Variants in CAMK1D observed in about 807,000 individuals in gnomAD.
The protein encoded by CAMK1D is calcium/calmodulin dependent protein kinase ID, also known as calcium/calmodulin-dependent protein kinase type 1D.
A neutral mutation model predicts 47.7 loss-of-function variants in CAMK1D; 9 were observed. The ratio of observed to expected loss-of-function variants is 0.19; its 90% CI spans 0.11 to 0.33. CAMK1D has a LOEUF of 0.33. Among genes scored for constraint, CAMK1D ranks in the 10% least tolerant of loss-of-function variants. The pLI is 1.00. For missense variants in CAMK1D, 291 were observed against 488.7 expected (o/e 0.60, Z 3.81); for synonymous variants, 184 against 184.9 (o/e 0.99, Z 0.04).
Position 12,463,065 on chromosome 10 carries a change from G to A in CAMK1D, c.93-90160G>A, listed in dbSNP as rs149653192. On this transcript the variant is annotated intron_variant, in intron 1 of 10. Transcript: ENST00000619168. Reference sequence around the variant, plus strand: ...CCAGCAGCTGGCACTCATATCTAGAGTCCAAGACCGATAACAGCAAACTTA... The same window carrying A: ...CCAGCAGCTGGCACTCATATCTAGAATCCAAGACCGATAACAGCAAACTTA... Among the ~76,000 whole-genome samples, 263 of 151,900 alleles carry A rather than the reference G, an allele frequency of 1.7e-3. 1 individual carries two copies. Among genetic ancestry groups the A allele is most frequent in the African/African-American group, 5.9e-3 (246 of 41,416 alleles).
chr10:12,397,262 C>T (rs1000868201), intron 1 of CAMK1D, among the ~76,000 whole-genome samples: 1 of 152,106 alleles, frequency 6.6e-6, no homozygotes, highest in African/African-American at 2.4e-5. Context: ...GTTTTTGTCT[C>T]CTGCAGGTGT....
intron 2 of CAMK1D, among the ~76,000 whole-genome samples, chr10:12,566,914 A>G (rs1230643494): frequency 1.2e-4 from 18 of 152,158 alleles, no homozygotes; most frequent in Middle Eastern, 3.2e-3. Flanking sequence ...GCAGCGATGC[A>G]GTGTTTTTTC....
In CAMK1D at chr10:12,798,688, G is replaced by A. The variant is rs547327431; in HGVS notation, c.641+7455G>A. On this transcript the variant is annotated intron_variant, in intron 6 of 10. Coordinates refer to ENST00000619168, the MANE Select transcript of CAMK1D (RefSeq NM_153498.4). ...TCTAAAGATAAAATGTGCTGTTTGTGTATGAGAAAAGAGATGCCATTCAAT... is the reference window on the plus strand; with the variant it reads ...TCTAAAGATAAAATGTGCTGTTTGTATATGAGAAAAGAGATGCCATTCAAT... 1.1e-4 allele frequency among the ~76,000 whole-genome samples: 16 copies of A among 152,354 alleles called. No homozygotes were observed. The South Asian group carries it at 2.7e-3, about 26-fold the overall frequency.
rs1835053499 is a variant in CAMK1D at position 12,734,375 on chromosome 10, T to TGG, written c.300-26573_300-26572insGG. 5.1e-5 allele frequency among the ~76,000 whole-genome samples: 2 copies of TGG among 38,980 alleles called. 1 individual carries two copies. Among genetic ancestry groups the TGG allele is most frequent in the East Asian group, 1.4e-3 (2 of 1,476 alleles). 25.6% of individuals were successfully genotyped at this position (38,980 alleles called of 152,430 possible). ...ATATATATATATATATATATATATA[T>TGG]ATAGATATAGATATAGATATATATA... On this transcript the variant is annotated intron_variant, in intron 3 of 10. Transcript: ENST00000619168.
chr10:12,375,681 G>A lies in CAMK1D; in HGVS notation c.92+25771G>A, dbSNP rs77333948. Among the ~76,000 whole-genome samples, 550 of 152,252 alleles carry A rather than the reference G, an allele frequency of 3.6e-3. 7 individuals are homozygous for A. In the East Asian group the frequency reaches 0.036, roughly 10 times the overall value. On this transcript the variant is annotated intron_variant, in intron 1 of 10. Transcript: ENST00000619168. ...GTATCCCGATTGCCTGTGTCCTAGGGTATCCTGCTGAATGCCATTACTCTA... is the reference window on the plus strand; with the variant it reads ...GTATCCCGATTGCCTGTGTCCTAGGATATCCTGCTGAATGCCATTACTCTA...
intron 2 of CAMK1D, among the ~76,000 whole-genome samples, chr10:12,597,712 G>A (rs974358271): frequency 1.3e-5 from 2 of 152,142 alleles, no homozygotes; most frequent in African/African-American, 2.4e-5. Context: ...CAGTTCTTCT[G>A]TACTGGTCTC....
intron 2 of CAMK1D, among the ~76,000 whole-genome samples, chr10:12,626,980 G>T (rs1839236402): frequency 6.6e-6 from 1 of 151,806 alleles, no homozygotes; most frequent in Non-Finnish European, 1.5e-5. Context: ...AAAATCATAA[G>T]ATATATTGAT....
At chr10:12,822,216 C>G (rs1235293160) in intron 8 of CAMK1D, among the ~76,000 whole-genome samples, 1 of 152,186 alleles carries the variant, frequency 6.6e-6, no homozygotes, top group Admixed American at 6.5e-5. Flanking sequence ...CCTAGCTTAT[C>G]ATGAGCATGG....
chr10:12,445,278 G>T (rs1832894556), intron 1 of CAMK1D, among the ~76,000 whole-genome samples: 1 of 152,232 alleles, frequency 6.6e-6, no homozygotes, highest in Admixed American at 6.5e-5. Context: ...CCTTGGCCAA[G>T]AGGAAGGTCC....
At chr10:12,828,689 C>G in intron 10 of CAMK1D, 80 bp from the exon 11 acceptor site, 2 of 1,158,518 alleles carry the variant, frequency 1.7e-6, no homozygotes, top group Non-Finnish European at 2.5e-6. Context: ...TAAACCCAGC[C>G]CCTCTGACAC....
chr10:12,677,299 GA>G (rs1302611980), intron 3 of CAMK1D, among the ~76,000 whole-genome samples: 2 of 151,878 alleles, frequency 1.3e-5, no homozygotes, highest in Non-Finnish European at 2.9e-5. Context: ...TAATAACGAA[GA>G]AAAAAATGTT....
chr10:12,488,496 A>T (rs889488222), intron 1 of CAMK1D, among the ~76,000 whole-genome samples: 2 of 152,176 alleles, frequency 1.3e-5, no homozygotes, highest in Admixed American at 1.3e-4. Context: ...GACTGGTTTC[A>T]TGGAAGACAA....
At chr10:12,684,703 A>G (rs745388700) in intron 3 of CAMK1D, among the ~76,000 whole-genome samples, 135 of 152,308 alleles carry the variant, frequency 8.9e-4, no homozygotes, top group Non-Finnish European at 1.4e-3. Context: ...GTAAATATAT[A>G]TTATACATCC....
At chr10:12,701,351 C>T (rs1431574425) in intron 3 of CAMK1D, among the ~76,000 whole-genome samples, 8 of 152,180 alleles carry the variant, frequency 5.3e-5, no homozygotes, top group African/African-American at 1.7e-4. Flanking sequence ...ACAAAAAGCA[C>T]ACCAAAATAA....
intron 3 of CAMK1D, among the ~76,000 whole-genome samples, chr10:12,670,393 G>A (rs919103792): frequency 6.6e-6 from 1 of 151,756 alleles, no homozygotes; most frequent in African/African-American, 2.4e-5. Context: ...TGGGTTGAAA[G>A]TGTTCTTTAT....
chr10:12,765,730 A>C (rs1448203616), intron 4 of CAMK1D, among the ~76,000 whole-genome samples: 1 of 152,172 alleles, frequency 6.6e-6, no homozygotes. Flanking sequence ...AGGTGAAAGA[A>C]AGAGAAGAGC....
intron 5 of CAMK1D, among the ~76,000 whole-genome samples, chr10:12,777,849 G>T (rs74834177): frequency 7.2e-5 from 11 of 152,210 alleles, no homozygotes; most frequent in African/African-American, 2.7e-4. Flanking sequence ...ACACCATTTT[G>T]AACCTTGAGC....
intron 4 of CAMK1D, among the ~76,000 whole-genome samples, chr10:12,766,796 G>A (rs1836785064): frequency 6.6e-6 from 1 of 152,104 alleles, no homozygotes. Flanking sequence ...CCCGTGGTGG[G>A]GGGATTCTCC....
intron 1 of CAMK1D, among the ~76,000 whole-genome samples, chr10:12,517,179 A>G (rs1324138308): frequency 6.6e-6 from 1 of 152,080 alleles, no homozygotes; most frequent in African/African-American, 2.4e-5. Flanking sequence ...TTTATTTCCA[A>G]TTGTTCATTG....
Sources: gnomAD v4.1 joint callset for allele counts (sites outside exome capture counted in the v4.1 genomes callset) on GRCh38, gnomAD v4.1.1 for gene constraint, MANE v1.5 for transcripts, NCBI Gene and HGNC (gene_info 2026-07-23, HGNC 2026-07-21) for gene names.